POFUT3: variants seen among roughly 807,000 people sequenced by gnomAD.
POFUT3 encodes the protein GDP-fucose protein O-fucosyltransferase 3.
chr8:33,386,108 G>A, the POFUT3 span, among the ~76,000 whole-genome samples: 1 of 146,220 alleles, frequency 6.8e-6, no homozygotes, highest in Non-Finnish European at 1.5e-5. Flanking sequence ...AGAATCGCTT[G>A]AGCCTAGGAG....
At chr8:33,400,032 A>G in the POFUT3 span, among the ~76,000 whole-genome samples, 451 of 152,118 alleles carry the variant, frequency 3.0e-3, 3 homozygotes, top group Non-Finnish European at 5.1e-3. Context: ...ATAAAAGTAA[A>G]GTGAACAAAA....
At chr8:33,386,570 T>G in the POFUT3 span, among the ~76,000 whole-genome samples, 1 of 152,086 alleles carries the variant, frequency 6.6e-6, no homozygotes, top group Non-Finnish European at 1.5e-5. Flanking sequence ...CAGCACTTTG[T>G]GAGGCTGAGG....
chr8:33,432,913 T>C, the POFUT3 span, among the ~76,000 whole-genome samples: 2 of 152,150 alleles, frequency 1.3e-5, no homozygotes, highest in Non-Finnish European at 2.9e-5. Flanking sequence ...TTGATAAATT[T>C]TCTTGTAGCA....
the POFUT3 span, chr8:33,455,695 T>C: frequency 9.7e-6 from 4 of 412,248 alleles, no homozygotes; most frequent in Non-Finnish European, 1.5e-5. Context: ...ATGTGTTAAC[T>C]GCTCCACCAG....
the POFUT3 span, among the ~76,000 whole-genome samples, chr8:33,321,834 C>T: frequency 6.6e-6 from 1 of 152,118 alleles, no homozygotes; most frequent in African/African-American, 2.4e-5. Flanking sequence ...TTCCTCGGGG[C>T]AGCTTTCCTT....
the POFUT3 span, chr8:33,389,461 G>A: frequency 3.3e-5 from 53 of 1,614,094 alleles, no homozygotes; most frequent in Non-Finnish European, 4.2e-5. Context: ...AATCGACCTC[G>A]ATGTAAGTCA....
At chr8:33,425,375 T>TG in the POFUT3 span, among the ~76,000 whole-genome samples, 1 of 151,960 alleles carries the variant, frequency 6.6e-6, no homozygotes, top group African/African-American at 2.4e-5. Context: ...ATAAATGCTA[T>TG]GAGAGCCTAT....
the POFUT3 span, chr8:33,371,697 C>G: frequency 6.6e-6 from 1 of 152,232 alleles, no homozygotes; most frequent in Non-Finnish European, 1.5e-5. Context: ...ACAGGAAATG[C>G]CCACAAACTG....
the POFUT3 span, among the ~76,000 whole-genome samples, chr8:33,348,092 T>A: frequency 3.3e-5 from 5 of 150,430 alleles, no homozygotes; most frequent in African/African-American, 1.2e-4. Flanking sequence ...GCAGGAGAAT[T>A]CCTTGAACTC....
At chr8:33,391,960 A>G in the POFUT3 span, among the ~76,000 whole-genome samples, 2 of 152,148 alleles carry the variant, frequency 1.3e-5, no homozygotes, top group Non-Finnish European at 2.9e-5. Context: ...GCTGGGAAGC[A>G]GAAAGACACA....
chr8:33,455,769 C>G, the POFUT3 span: 1 of 455,360 alleles, frequency 2.2e-6, no homozygotes, highest in Non-Finnish European at 4.4e-6. Context: ...AAGAGTGTTA[C>G]CTCTTTTATG....
At chr8:33,423,731 T>C in the POFUT3 span, among the ~76,000 whole-genome samples, 1 of 138,970 alleles carries the variant, frequency 7.2e-6, no homozygotes, top group South Asian at 2.2e-4. Context: ...AATCTAAAAA[T>C]AGGGATAACA....
the POFUT3 span, among the ~76,000 whole-genome samples, chr8:33,446,448 T>G: frequency 1.8e-5 from 2 of 108,160 alleles, no homozygotes; most frequent in Non-Finnish European, 3.7e-5. Context: ...CAAGGCAAGA[T>G]CCTATTACAA....
At chr8:33,389,045 T>C in the POFUT3 span, 4 of 1,614,182 alleles carry the variant, frequency 2.5e-6, no homozygotes, top group South Asian at 4.4e-5. Context: ...CTGGTTGACG[T>C]CTTGCACTCC....
At chr8:33,391,620 G>T in the POFUT3 span, among the ~76,000 whole-genome samples, 3 of 152,212 alleles carry the variant, frequency 2.0e-5, no homozygotes, top group Non-Finnish European at 4.4e-5. Flanking sequence ...AGAGGCCAAT[G>T]ATAGGAACCA....
chr8:33,454,317 C>G, the POFUT3 span, among the ~76,000 whole-genome samples: 4 of 152,176 alleles, frequency 2.6e-5, no homozygotes, highest in African/African-American at 4.8e-5. Context: ...CTCATGGCCT[C>G]CTTCCTCCTC....
At chr8:33,365,760 A>G in the POFUT3 span, among the ~76,000 whole-genome samples, 2 of 152,018 alleles carry the variant, frequency 1.3e-5, no homozygotes, top group East Asian at 1.9e-4. Context: ...GAAACAACAG[A>G]TGCTGAAGAG....
At chr8:33,445,805 A>C in the POFUT3 span, among the ~76,000 whole-genome samples, 1 of 152,176 alleles carries the variant, frequency 6.6e-6, no homozygotes, top group Non-Finnish European at 1.5e-5. Context: ...CCATATGACT[A>C]CCCACAGCAG....
the POFUT3 span, among the ~76,000 whole-genome samples, chr8:33,339,653 GACA>G: frequency 3.9e-5 from 6 of 152,010 alleles, no homozygotes; most frequent in Admixed American, 3.9e-4. Context: ...TAAAACTAAA[GACA>G]ACATCTTGAA....
Sources: gnomAD v4.1 joint callset for allele counts (sites outside exome capture counted in the v4.1 genomes callset) on GRCh38, gnomAD v4.1.1 for gene constraint, MANE v1.5 for transcripts, NCBI Gene and HGNC (gene_info 2026-07-23, HGNC 2026-07-21) for gene names.